MACROD1: variants seen among roughly 807,000 people sequenced by gnomAD.
The protein encoded by MACROD1 is ADP-ribose glycohydrolase MACROD1.
In MACROD1, 31 loss-of-function variants were observed where a neutral mutation model predicts 41.4. The ratio of observed to expected loss-of-function variants is 0.75; its 90% CI spans 0.56 to 1.01. The LOEUF (loss-of-function observed/expected upper bound fraction) is 1.01, where lower values mean the gene tolerates loss of function less well. Ranked by LOEUF, MACROD1 falls within the 50% of genes least tolerant of loss-of-function variation. The pLI, the probability that MACROD1 is intolerant of heterozygous loss-of-function variation, is 0.00. For synonymous variants in MACROD1, 252 were observed against 203.4 expected (o/e 1.24, Z -2.03); for missense variants, 473 against 460.0 (o/e 1.03, Z -0.26).
chr11:64,030,091 G>T (rs1943274178), intron 3 of MACROD1, among the ~76,000 whole-genome samples: 1 of 152,064 alleles, frequency 6.6e-6, no homozygotes, highest in Non-Finnish European at 1.5e-5. Context: ...GCCCAGGCCT[G>T]CGTTCCCACC....
intron 3 of MACROD1, among the ~76,000 whole-genome samples, chr11:64,061,600 G>T (rs1320258487): frequency 2.6e-5 from 4 of 152,178 alleles, no homozygotes; most frequent in African/African-American, 9.7e-5. Context: ...TGTGGATGGG[G>T]TCCGAATCTG....
chr11:64,038,605 C>T (rs1026201793), intron 3 of MACROD1, among the ~76,000 whole-genome samples: 1 of 152,166 alleles, frequency 6.6e-6, no homozygotes, highest in African/African-American at 2.4e-5. Flanking sequence ...CACCTCTGCC[C>T]AGTCATGGGG....
intron 3 of MACROD1, among the ~76,000 whole-genome samples, chr11:64,021,117 A>C (rs1266047033): frequency 6.6e-6 from 1 of 152,130 alleles, no homozygotes; most frequent in Non-Finnish European, 1.5e-5. Flanking sequence ...GCAGGTGCCC[A>C]CTAATGAGTT....
chr11:64,129,960 T>C (rs1945241691), intron 3 of MACROD1, among the ~76,000 whole-genome samples: 1 of 152,078 alleles, frequency 6.6e-6, no homozygotes, highest in Admixed American at 6.5e-5. Context: ...AGCCTCCCGT[T>C]CTTACAGGAA....
intron 3 of MACROD1, among the ~76,000 whole-genome samples, chr11:64,132,325 C>G (rs1418898874): frequency 6.6e-6 from 1 of 151,652 alleles, no homozygotes; most frequent in Non-Finnish European, 1.5e-5. Flanking sequence ...TTCAGATATT[C>G]CAGGAAGACC....
In MACROD1 at chr11:64,020,334, C is replaced by T. The variant is rs139188274; in HGVS notation, c.518-5053G>A. 5.9e-5 allele frequency among the ~76,000 whole-genome samples: 9 copies of T among 152,264 alleles called. No individual in the cohort carries two copies. The East Asian group carries it at 1.7e-3, about 29-fold the overall frequency. On this transcript the variant is annotated intron_variant, in intron 3 of 10. Coordinates refer to ENST00000255681, the MANE Select transcript of MACROD1 (RefSeq NM_014067.4). ...GCTGAGACACGGAAAGTGATCCTCT[C>T]ACAATGTACATTTGGAGAGGAGGTA...
chr11:64,008,032 C>T (rs996628412), intron 4 of MACROD1, among the ~76,000 whole-genome samples: 5 of 152,206 alleles, frequency 3.3e-5, no homozygotes, highest in African/African-American at 1.2e-4. Flanking sequence ...AGCGGCCGGG[C>T]GATGGGAGAT....
At chr11:64,066,841 T>G (rs1186288177) in intron 3 of MACROD1, among the ~76,000 whole-genome samples, 1 of 152,138 alleles carries the variant, frequency 6.6e-6, no homozygotes, top group African/African-American at 2.4e-5. Context: ...AGGCTCAGAC[T>G]GTGAAGCAGA....
At chr11:64,047,729 T>C (rs1446785495) in intron 3 of MACROD1, among the ~76,000 whole-genome samples, 2 of 151,750 alleles carry the variant, frequency 1.3e-5, no homozygotes, top group Non-Finnish European at 2.9e-5. Context: ...AAACCCCTTC[T>C]CTACCAAAAA....
chr11:64,099,974 T>A (rs1802678689), intron 3 of MACROD1, among the ~76,000 whole-genome samples: 1 of 152,042 alleles, frequency 6.6e-6, no homozygotes, highest in Admixed American at 6.6e-5. Flanking sequence ...CTCAGTGCAG[T>A]GTTTGGTGGA....
chr11:64,129,788 G>A (rs1334074819), intron 3 of MACROD1, among the ~76,000 whole-genome samples: 1 of 152,208 alleles, frequency 6.6e-6, no homozygotes, highest in Non-Finnish European at 1.5e-5. Context: ...GGGTGGGTGT[G>A]GGGGACATCT....
At chr11:64,020,340 G>A (rs1358956207) in intron 3 of MACROD1, among the ~76,000 whole-genome samples, 1 of 152,102 alleles carries the variant, frequency 6.6e-6, no homozygotes, top group Non-Finnish European at 1.5e-5. Flanking sequence ...CTCTCACAAT[G>A]TACATTTGGA....
intron 3 of MACROD1, among the ~76,000 whole-genome samples, chr11:64,087,541 G>A (rs1006707874): frequency 1.3e-5 from 2 of 152,230 alleles, no homozygotes; most frequent in African/African-American, 4.8e-5. Context: ...AGGCAAGCAC[G>A]CAGTCCCCAA....
At chr11:63,999,212 C>A in intron 8 of MACROD1, 119 bp downstream of exon 8, 1 of 1,402,816 alleles carries the variant, frequency 7.1e-7, no homozygotes, top group South Asian at 1.3e-5. Flanking sequence ...GCAGGAGAAA[C>A]AGGGAAGGAA....
intron 1 of MACROD1, among the ~76,000 whole-genome samples, chr11:64,160,206 C>A (rs1945733096): frequency 6.6e-6 from 1 of 152,194 alleles, no homozygotes. Context: ...TCCAAAATCA[C>A]TCAACCAGCC....
chr11:64,132,851 G>C (rs1945284645), intron 3 of MACROD1, among the ~76,000 whole-genome samples: 2 of 152,340 alleles, frequency 1.3e-5, no homozygotes, highest in South Asian at 4.1e-4. Flanking sequence ...ACGGCAGGGA[G>C]GTGCGGCAGG....
At chr11:64,072,199 T>G (rs1401626475) in intron 3 of MACROD1, among the ~76,000 whole-genome samples, 4 of 152,080 alleles carry the variant, frequency 2.6e-5, no homozygotes, top group Non-Finnish European at 5.9e-5. Context: ...GAGCAGGGTC[T>G]GCTTCATCCT....
intron 3 of MACROD1, among the ~76,000 whole-genome samples, chr11:64,069,718 A>T (rs994622226): frequency 6.6e-6 from 1 of 151,458 alleles, no homozygotes; most frequent in Non-Finnish European, 1.5e-5. Context: ...GGCTGGTGAC[A>T]CCCCCGGGCC....
chr11:64,031,964 A>T (rs1309993761), intron 3 of MACROD1, among the ~76,000 whole-genome samples: 1 of 152,198 alleles, frequency 6.6e-6, no homozygotes. Context: ...GCCTGTGGGG[A>T]AGGCTGAGGC....
Sources: allele counts gnomAD v4.1 joint callset (sites outside exome capture counted in the v4.1 genomes callset), GRCh38; gene constraint gnomAD v4.1.1; transcripts MANE v1.5; gene names NCBI Gene and HGNC (gene_info 2026-07-23, HGNC 2026-07-21).